The following CTTN variants were observed in gnomAD, a reference collection of about 807,000 sequenced individuals.
CTTN encodes the protein src substrate cortactin.
CTTN carries 28 observed loss-of-function variants against 84.0 expected under a neutral mutation model. The ratio of observed to expected loss-of-function variants is 0.33; its 90% CI spans 0.25 to 0.46. The LOEUF (loss-of-function observed/expected upper bound fraction) is 0.46. CTTN is among the 20% of genes least tolerant of loss of function. The pLI is 1.00. For synonymous variants in CTTN, 301 were observed against 288.8 expected (o/e 1.04, Z -0.43); for missense variants, 641 against 723.8 (o/e 0.89, Z 1.31).
chr11:70,418,908 C>T lies in CTTN; in HGVS notation c.569-838C>T, dbSNP rs142541289. Among the ~76,000 whole-genome samples, 526 of 151,496 alleles carry T rather than the reference C, an allele frequency of 3.5e-3. 7 individuals are homozygous for T. Among genetic ancestry groups the T allele is most frequent in the African/African-American group, 0.012 (507 of 41,232 alleles). ...TCTCCTGCCTCAGTCTCCTGAGTAG[C>T]CGGGATTACAGGCATGCACCACCAA... On this transcript the variant is annotated intron_variant, in intron 8 of 17. Transcript: ENST00000301843.
At chr11:70,429,277 C>T (rs2058330414) in intron 14 of CTTN, 78 bp downstream of exon 14, 12 of 1,505,926 alleles carry the variant, frequency 8.0e-6, no homozygotes, top group African/African-American at 1.4e-5. Flanking sequence ...GGGGCCTGGG[C>T]GGGGCTTATT....
At chr11:70,411,426 C>T (rs890558424) in intron 5 of CTTN, among the ~76,000 whole-genome samples, 1 of 151,634 alleles carries the variant, frequency 6.6e-6, no homozygotes, top group African/African-American at 2.4e-5. Context: ...GTGCAGCGAG[C>T]GAAGCGTGTG....
chr11:70,433,523 AG>A, intron 16 of CTTN, 123 bp from the exon 17 acceptor site: 1 of 866,758 alleles, frequency 1.2e-6, no homozygotes, highest in Non-Finnish European at 2.0e-6. Flanking sequence ...AGAGGAAGGG[AG>A]GGTTTCAGCT....
At chr11:70,428,874 G>T (rs1186969792) in intron 13 of CTTN, among the ~76,000 whole-genome samples, 177 bp from the exon 14 acceptor site, 1 of 152,236 alleles carries the variant, frequency 6.6e-6, no homozygotes, top group Non-Finnish European at 1.5e-5. Flanking sequence ...TGCGGCAGGT[G>T]CCCAGTGCTG....
At chr11:70,423,763 C>T (rs2058269727) in intron 12 of CTTN, among the ~76,000 whole-genome samples, 1 of 152,286 alleles carries the variant, frequency 6.6e-6, no homozygotes, top group African/African-American at 2.4e-5. Flanking sequence ...GCCCCACACA[C>T]CACAGAGCAT....
At chr11:70,434,378 T>C (rs982617148) in intron 17 of CTTN, among the ~76,000 whole-genome samples, 8 of 152,238 alleles carry the variant, frequency 5.3e-5, no homozygotes, top group African/African-American at 1.2e-4. Context: ...TTGACAAGCA[T>C]CTTACGGGTG....
At position 70,431,392 on chromosome 11, in the gene CTTN, G is replaced by A. The variant is rs1164933209; in HGVS notation, c.1266+112G>A. ...GCAGGCAGTGTGGCGTGGGTGTAGA[G>A]GGCATCGCTGCATTCCACGCCCGGA... On this transcript the variant is annotated intron_variant, in intron 15 of 17. Coordinates refer to ENST00000301843, the MANE Select transcript of CTTN (RefSeq NM_005231.4). The A allele has an allele frequency of 5.2e-6, 6 of 1,144,466 alleles. No homozygotes were observed. In the Admixed American group the frequency reaches 7.0e-5, roughly 13 times the overall value. 70.9% of individuals were successfully genotyped at this position (1,144,466 alleles called of 1,614,324 possible). A position where few individuals can be genotyped will look rare whatever the true frequency, so the allele number is the denominator to read the frequency against.
intron 4 of CTTN, chr11:70,407,887 T>C (rs2058061043): frequency 5.6e-6 from 2 of 358,902 alleles, no homozygotes; most frequent in Non-Finnish European, 1.0e-5. Context: ...TATTGTGGCT[T>C]TTATCAGGGA....
chr11:70,411,425 G>A (rs1466593304), intron 5 of CTTN, among the ~76,000 whole-genome samples: 3 of 151,860 alleles, frequency 2.0e-5, no homozygotes, highest in Non-Finnish European at 2.9e-5. Context: ...AGTGCAGCGA[G>A]CGAAGCGTGT....
chr11:70,407,795 A>T, intron 4 of CTTN: 1 of 553,652 alleles, frequency 1.8e-6, no homozygotes. Flanking sequence ...GTGTATATTT[A>T]GATACTTCTG....
chr11:70,400,963 T>G (rs2057971746), intron 1 of CTTN, among the ~76,000 whole-genome samples: 1 of 152,216 alleles, frequency 6.6e-6, no homozygotes, highest in Non-Finnish European at 1.5e-5. Context: ...GTCTGTTTCC[T>G]TTCTCCTCCT....
chr11:70,413,608 T>A (rs940358268), intron 5 of CTTN, among the ~76,000 whole-genome samples: 13 of 152,080 alleles, frequency 8.5e-5, no homozygotes, highest in Non-Finnish European at 1.5e-4. Flanking sequence ...AGGGGAACCT[T>A]GGGCTTTACC....
At position 70,435,713 on chromosome 11, in the gene CTTN, C is replaced by A; in HGVS notation, c.*551C>A. On this transcript the variant is annotated 3_prime_UTR_variant, in exon 18 of 18. Coordinates refer to ENST00000301843, the MANE Select transcript of CTTN (RefSeq NM_005231.4). ...CTGCCATGTCAGATGGGAAATCTGCCTATGTCATACCGTGACAGCCCGCAG... is the reference window on the plus strand; with the variant it reads ...CTGCCATGTCAGATGGGAAATCTGCATATGTCATACCGTGACAGCCCGCAG... 6.3e-7 allele frequency: 1 copy of A among 1,597,966 alleles called. No homozygotes were observed. The highest frequency in any genetic ancestry group is 8.5e-7 in the Non-Finnish European group (1 of 1,179,680).
At chr11:70,414,917 A>G (rs551538301) in intron 6 of CTTN, among the ~76,000 whole-genome samples, 18 of 152,204 alleles carry the variant, frequency 1.2e-4, no homozygotes, top group Middle Eastern at 3.4e-3. Context: ...GTCTGTCCCA[A>G]TGTGCCAGCA....
At chr11:70,427,448 C>A (rs2058311700) in intron 13 of CTTN, among the ~76,000 whole-genome samples, 1 of 152,246 alleles carries the variant, frequency 6.6e-6, no homozygotes, top group Non-Finnish European at 1.5e-5. Flanking sequence ...TTTTGTAAAT[C>A]TCTTTAATAG....
intron 11 of CTTN, chr11:70,422,583 G>A: frequency 7.6e-7 from 1 of 1,311,128 alleles, no homozygotes; most frequent in Non-Finnish European, 1.0e-6. Flanking sequence ...ATGAGAATAA[G>A]CCCGTGCTGG....
chr11:70,428,538 T>A (rs1048637035), intron 13 of CTTN, among the ~76,000 whole-genome samples: 3 of 152,072 alleles, frequency 2.0e-5, no homozygotes. Flanking sequence ...TTTCCCAGGC[T>A]GGTCTCAAAC....
At chr11:70,402,107 C>T (rs373589929) in intron 1 of CTTN, among the ~76,000 whole-genome samples, 3 of 152,182 alleles carry the variant, frequency 2.0e-5, no homozygotes, top group South Asian at 2.1e-4. Context: ...GAGCCGAGAT[C>T]GCGCTGTTGC....
chr11:70,421,576 GCAA>G lies in CTTN; in HGVS notation c.898_900del (p.Gln300del), dbSNP rs1472641745. On this transcript the variant is annotated inframe_deletion and splice_region_variant, in exon 11 of 18. Transcript: ENST00000301843. ...AGAAGCTGGCCAAGCACGAGTCCCAGCAAGGCACAGTTGCCACCAGCCTCCTAC... is the reference window on the plus strand; with the variant it reads ...AGAAGCTGGCCAAGCACGAGTCCCAGGGCACAGTTGCCACCAGCCTCCTAC... 3.1e-6 allele frequency: 5 copies of G among 1,612,878 alleles called. No individual in the cohort carries two copies. The Middle Eastern group carries it at 5.0e-4, about 160-fold the overall frequency.
Sources: gnomAD v4.1 joint callset for allele counts (sites outside exome capture counted in the v4.1 genomes callset) on GRCh38, gnomAD v4.1.1 for gene constraint, MANE v1.5 for transcripts, NCBI Gene and HGNC (gene_info 2026-07-23, HGNC 2026-07-21) for gene names.